AGBL4: variants seen among roughly 807,000 people sequenced by gnomAD.
AGBL4 encodes AGBL carboxypeptidase 4, also known as cytosolic carboxypeptidase 6.
Under a neutral mutation model 66.4 loss-of-function variants are expected in AGBL4, and 58 were observed. The observed-to-expected ratio is 0.87, with a 90% CI of 0.71 to 1.09. The LOEUF (loss-of-function observed/expected upper bound fraction) is 1.09. Among genes scored for constraint, AGBL4 ranks in the 50% least tolerant of loss-of-function variants. The pLI is 0.00. For missense variants in AGBL4, 579 were observed against 631.0 expected, an observed-to-expected ratio of 0.92 and a Z score of 0.88; for synonymous variants, 234 against 222.9, an observed-to-expected ratio of 1.05 and a Z score of -0.44.
intron 6 of AGBL4, among the ~76,000 whole-genome samples, chr1:48,769,570 C>CACACACACA (rs34256470): frequency 1.1e-4 from 15 of 142,486 alleles, no homozygotes; most frequent in African/African-American, 3.5e-4. Flanking sequence ...CACACACACA[C>CACACACACA]AAGTTAAATT....
At position 48,898,953 on chromosome 1, in the gene AGBL4, T is replaced by G. The variant is rs771005998; in HGVS notation, c.595-31723A>C. On this transcript the variant is annotated intron_variant, in intron 5 of 13. Transcript: ENST00000371839. Reference sequence around the variant, plus strand: ...TCCTCTCACGAGGGAGCGCCCATGGTACCTCCTTACTCTCAGCTATCTGTC... The same window carrying G: ...TCCTCTCACGAGGGAGCGCCCATGGGACCTCCTTACTCTCAGCTATCTGTC... Among the ~76,000 whole-genome samples, 99 of 152,322 alleles carry G rather than the reference T, an allele frequency of 6.5e-4. 1 individual carries two copies. The highest frequency in any genetic ancestry group is 4.0e-4 in the Non-Finnish European group (27 of 68,020).
chr1:49,230,515 C>A (rs923348133), intron 4 of AGBL4, among the ~76,000 whole-genome samples: 1 of 152,126 alleles, frequency 6.6e-6, no homozygotes, highest in East Asian at 1.9e-4. Flanking sequence ...AGTGTCTCAT[C>A]CGCTTTGTTT....
chr1:49,320,090 C>T lies in AGBL4; in HGVS notation c.283-74226G>A, dbSNP rs563701210. 1.2e-4 allele frequency among the ~76,000 whole-genome samples: 18 copies of T among 152,184 alleles called. 1 individual carries two copies. Among genetic ancestry groups the T allele is most frequent in the East Asian group, 1.2e-3 (6 of 5,166 alleles). On this transcript the variant is annotated intron_variant, in intron 3 of 13. Coordinates refer to ENST00000371839, the MANE Select transcript of AGBL4 (RefSeq NM_032785.4). ...GGGCCCACAGACGTATACCACTACA[C>T]CTGGTTGATTTTTGTATTTTTTGTA...
At chr1:48,702,650 G>T (rs746174441) in intron 6 of AGBL4, among the ~76,000 whole-genome samples, 5 of 152,082 alleles carry the variant, frequency 3.3e-5, no homozygotes, top group African/African-American at 4.8e-5. Flanking sequence ...CAGCACAACA[G>T]GAAGTAGGGG....
intron 8 of AGBL4, among the ~76,000 whole-genome samples, chr1:48,637,007 T>C (rs1019786258): frequency 2.0e-5 from 3 of 152,180 alleles, no homozygotes; most frequent in South Asian, 2.1e-4. Context: ...GATAGAGTGA[T>C]TGATAAGAGA....
chr1:49,980,664 A>C (rs183978953), intron 1 of AGBL4, among the ~76,000 whole-genome samples: 11 of 152,278 alleles, frequency 7.2e-5, no homozygotes, highest in African/African-American at 2.6e-4. Flanking sequence ...GTATCCATTC[A>C]TCTCCCAATG....
intron 2 of AGBL4, among the ~76,000 whole-genome samples, chr1:49,727,461 T>C (rs538161827): frequency 6.6e-6 from 1 of 152,252 alleles, no homozygotes; most frequent in Non-Finnish European, 1.5e-5. Flanking sequence ...TCTTTCCATA[T>C]GAGAAAGAAC....
intron 1 of AGBL4, among the ~76,000 whole-genome samples, chr1:49,918,531 A>C (rs1651831784): frequency 6.6e-6 from 1 of 151,822 alleles, no homozygotes; most frequent in Non-Finnish European, 1.5e-5. Flanking sequence ...CCAAGACTAA[A>C]CCAGGAAGAA....
chr1:49,280,357 G>A (rs1429418179), intron 3 of AGBL4, among the ~76,000 whole-genome samples: 1 of 152,104 alleles, frequency 6.6e-6, no homozygotes, highest in Admixed American at 6.5e-5. Flanking sequence ...TTTCTTTACT[G>A]CAATGCCATG....
chr1:48,902,494 A>G (rs997303351), intron 5 of AGBL4, among the ~76,000 whole-genome samples: 1 of 152,132 alleles, frequency 6.6e-6, no homozygotes, highest in Non-Finnish European at 1.5e-5. Flanking sequence ...GTGGTTAAGA[A>G]GGAAAGAACT....
chr1:48,703,475 A>T (rs1378789416), intron 6 of AGBL4, among the ~76,000 whole-genome samples: 1 of 152,224 alleles, frequency 6.6e-6, no homozygotes, highest in Non-Finnish European at 1.5e-5. Flanking sequence ...TCTAGATTCG[A>T]ATTATCAATA....
chr1:49,748,224 G>A (rs929798438), intron 2 of AGBL4, among the ~76,000 whole-genome samples: 6 of 151,766 alleles, frequency 4.0e-5, no homozygotes, highest in Admixed American at 1.3e-4. Flanking sequence ...ATATGTTCTC[G>A]TTGTTCACCT....
At chr1:49,123,487 T>G (rs1238493505) in intron 4 of AGBL4, among the ~76,000 whole-genome samples, 1 of 152,228 alleles carries the variant, frequency 6.6e-6, no homozygotes, top group Non-Finnish European at 1.5e-5. Flanking sequence ...AAAGTTTATC[T>G]TTGAATCAAG....
At chr1:48,975,561 C>T (rs1397266001) in intron 5 of AGBL4, among the ~76,000 whole-genome samples, 1 of 152,116 alleles carries the variant, frequency 6.6e-6, no homozygotes, top group Non-Finnish European at 1.5e-5. Flanking sequence ...ACATCTGACT[C>T]TGGGACATCA....
chr1:49,441,211 T>C (rs1287577903), intron 3 of AGBL4, among the ~76,000 whole-genome samples: 1 of 152,156 alleles, frequency 6.6e-6, no homozygotes, highest in Non-Finnish European at 1.5e-5. Context: ...AATAAATGCT[T>C]GAGTTTTCTA....
At chr1:49,608,828 T>C (rs1205411968) in intron 3 of AGBL4, among the ~76,000 whole-genome samples, 1 of 152,170 alleles carries the variant, frequency 6.6e-6, no homozygotes, top group African/African-American at 2.4e-5. Flanking sequence ...CTACGATTTA[T>C]TGAAAATCTA....
In AGBL4 at chr1:48,650,065, G is replaced by A. The variant is rs1365344834; in HGVS notation, c.839+3272C>T. Among the ~76,000 whole-genome samples the A allele has an allele frequency of 2.0e-5, 3 of 152,194 alleles. No individual in the cohort carries two copies. The East Asian group carries it at 5.8e-4, about 29-fold the overall frequency. On this transcript the variant is annotated intron_variant, in intron 8 of 13. Coordinates refer to ENST00000371839, the MANE Select transcript of AGBL4 (RefSeq NM_032785.4). Reference sequence around the variant, plus strand: ...CTGCCTTCCCTTCTCACACTGCAGGGAACTGGCCTGTTGAACCATCTCTCC... The same window carrying A: ...CTGCCTTCCCTTCTCACACTGCAGGAAACTGGCCTGTTGAACCATCTCTCC...
chr1:49,193,777 C>A (rs572374294), intron 4 of AGBL4, among the ~76,000 whole-genome samples: 35 of 152,282 alleles, frequency 2.3e-4, no homozygotes, highest in Admixed American at 2.2e-3. Context: ...TCGTGATCTG[C>A]CCGCCTTGGC....
intron 3 of AGBL4, among the ~76,000 whole-genome samples, chr1:49,312,851 T>C (rs563031690): frequency 2.2e-4 from 33 of 152,222 alleles, no homozygotes; most frequent in African/African-American, 7.2e-4. Context: ...TGCGGAGCAA[T>C]AGGAATTTTA....
Sources: gnomAD v4.1 joint callset for allele counts (sites outside exome capture counted in the v4.1 genomes callset) on GRCh38, gnomAD v4.1.1 for gene constraint, MANE v1.5 for transcripts, NCBI Gene and HGNC (gene_info 2026-07-23, HGNC 2026-07-21) for gene names.